IL12RB2: variants seen among roughly 807,000 people sequenced by gnomAD.
IL12RB2 encodes the protein interleukin 12 receptor subunit beta 2, also known as interleukin-12 receptor subunit beta-2.
IL12RB2 carries 82 observed loss-of-function variants against 89.4 expected under a neutral mutation model. That is an observed-to-expected ratio of 0.92 (90% CI 0.77 to 1.10). The LOEUF is 1.10. IL12RB2 is among the 50% of genes least tolerant of loss of function. The probability of loss-of-function intolerance (pLI) is 0.00; values close to 1 mark genes in which losing one functional copy is unlikely to be tolerated. For missense variants in IL12RB2, 963 were observed against 1,031.9 expected, an observed-to-expected ratio of 0.93 and a Z score of 0.92; for synonymous variants, 368 against 370.1, an observed-to-expected ratio of 0.99 and a Z score of 0.07.
At chr1:67,376,669 TAG>T (rs1335113305) in intron 13 of IL12RB2, among the ~76,000 whole-genome samples, 15 of 151,790 alleles carry the variant, frequency 9.9e-5, no homozygotes, top group Admixed American at 5.9e-4. Context: ...CCTCTTCCCA[TAG>T]AGCTTCTATT....
At chr1:67,309,278 A>C (rs1013889500) in intron 1 of IL12RB2, among the ~76,000 whole-genome samples, 4 of 152,166 alleles carry the variant, frequency 2.6e-5, no homozygotes, top group African/African-American at 9.7e-5. Context: ...CCCATTTTAC[A>C]GATGTGGAAA....
In IL12RB2 at chr1:67,396,202, G is replaced by A. The variant is rs113349753; in HGVS notation, c.*113G>A. ...ATCTCTGGGTGCCACCATCGGTCTG[G>A]CTGCAGCTAGAGGACAGGCAAGCCA... On this transcript the variant is annotated 3_prime_UTR_variant, in exon 17 of 17. Coordinates refer to ENST00000674203, the MANE Select transcript of IL12RB2 (RefSeq NM_001374259.2). 1.1e-5 allele frequency: 9 copies of A among 797,106 alleles called. No homozygotes were observed. Among genetic ancestry groups the A allele is most frequent in the African/African-American group, 3.3e-5 (2 of 59,800 alleles). The allele number at this position is 797,106 out of a possible 1,614,324, so 49.4% of individuals were successfully genotyped here.
intron 9 of IL12RB2, among the ~76,000 whole-genome samples, chr1:67,342,813 G>T: frequency 7.4e-6 from 1 of 135,298 alleles, no homozygotes; most frequent in Non-Finnish European, 1.6e-5. Context: ...AGGCTGAAGT[G>T]TGGTGGCACA....
intron 15 of IL12RB2, among the ~76,000 whole-genome samples, chr1:67,389,202 C>G (rs1005574950): frequency 2.0e-5 from 3 of 152,102 alleles, no homozygotes; most frequent in African/African-American, 7.2e-5. Context: ...GGCATACCAT[C>G]CCTTAGGTAT....
At chr1:67,379,615 T>A (rs1403096070) in intron 13 of IL12RB2, among the ~76,000 whole-genome samples, 1 of 151,584 alleles carries the variant, frequency 6.6e-6, no homozygotes, top group Non-Finnish European at 1.5e-5. Context: ...CTAGAAATGT[T>A]ATCATCATTG....
At chr1:67,379,318 TG>T (rs1664316522) in intron 13 of IL12RB2, among the ~76,000 whole-genome samples, 2 of 151,138 alleles carry the variant, frequency 1.3e-5, no homozygotes, top group South Asian at 4.2e-4. Context: ...GAGACCAGCC[TG>T]GCCAACATGG....
chr1:67,346,986 G>A (rs751975126), intron 9 of IL12RB2, among the ~76,000 whole-genome samples: 7 of 152,124 alleles, frequency 4.6e-5, no homozygotes, highest in African/African-American at 1.7e-4. Flanking sequence ...CATGTGCCAA[G>A]CACTCTTTAA....
chr1:67,370,176 A>G (rs1389536157), intron 11 of IL12RB2, among the ~76,000 whole-genome samples: 1 of 152,190 alleles, frequency 6.6e-6, no homozygotes, highest in Non-Finnish European at 1.5e-5. Context: ...GGTTATTATT[A>G]ATTCAAAATG....
rs2100379553 is a variant in IL12RB2, at chr1:67,398,709, C to T, written c.*2620C>T. ...TAGTAGCTACCAATAAAAAAGTAAG[C>T]ATCATGAACCCAAAAGTATCTGAGA... On this transcript the variant is annotated 3_prime_UTR_variant, in exon 17 of 17. Coordinates refer to ENST00000674203, the MANE Select transcript of IL12RB2 (RefSeq NM_001374259.2). 6.6e-6 allele frequency among the ~76,000 whole-genome samples: 1 copy of T among 152,178 alleles called. No individual in the cohort carries two copies. The highest frequency in any genetic ancestry group is 1.9e-4 in the East Asian group (1 of 5,172).
rs866628616 is a variant in IL12RB2 at position 67,348,099 on chromosome 1, G to A, written c.1039-2771G>A. ...CCAGCATACAAATAGGTTGATCTGG[G>A]AAGAGTCGGCGGGCTCCTCCGGTTT... On this transcript the variant is annotated intron_variant, in intron 9 of 16. Transcript: ENST00000674203. Among the ~76,000 whole-genome samples, 4 of 152,142 alleles carry A rather than the reference G, an allele frequency of 2.6e-5. No individual in the cohort carries two copies. The Middle Eastern group carries it at 0.01, about 388-fold the overall frequency.
intron 10 of IL12RB2, among the ~76,000 whole-genome samples, chr1:67,365,084 A>T (rs1045363956): frequency 6.6e-6 from 1 of 152,256 alleles, no homozygotes; most frequent in Non-Finnish European, 1.5e-5. Context: ...GAGAAATTTT[A>T]AAATATTTTG....
chr1:67,326,692 A>G, intron 4 of IL12RB2, 43 bp from the exon 5 acceptor site: 1 of 1,605,318 alleles, frequency 6.2e-7, no homozygotes, highest in African/African-American at 1.3e-5. Context: ...CGGTTGAAAT[A>G]TCACCTGTGT....
At chr1:67,319,930 G>T (rs537026510) in intron 2 of IL12RB2, among the ~76,000 whole-genome samples, 2 of 152,220 alleles carry the variant, frequency 1.3e-5, no homozygotes, top group South Asian at 4.2e-4. Context: ...CAGCAAGAAG[G>T]CCCCATCTAT....
chr1:67,308,119 A>G (rs557791074), intron 1 of IL12RB2, among the ~76,000 whole-genome samples, 152 bp downstream of exon 1: 4 of 151,698 alleles, frequency 2.6e-5, no homozygotes, highest in Admixed American at 2.6e-4. Context: ...GTATATATAT[A>G]TTTTTAAAGT....
intron 14 of IL12RB2, among the ~76,000 whole-genome samples, chr1:67,385,242 T>C (rs949038219): frequency 6.6e-6 from 1 of 152,184 alleles, no homozygotes; most frequent in Non-Finnish European, 1.5e-5. Flanking sequence ...CTTACAATCA[T>C]GGCTGAAGGG....
intron 10 of IL12RB2, among the ~76,000 whole-genome samples, chr1:67,363,811 C>T (rs1046166137): frequency 6.6e-6 from 1 of 152,036 alleles, no homozygotes; most frequent in Non-Finnish European, 1.5e-5. Context: ...CACTAAAAAC[C>T]ATTTTAAAAG....
rs1460368427 is a variant in IL12RB2 at position 67,395,584 on chromosome 1, A to G, written c.2084A>G (p.Asp695Gly). The G allele has an allele frequency of 6.2e-7, 1 of 1,614,082 alleles. No individual in the cohort carries two copies. Among genetic ancestry groups the G allele is most frequent in the African/African-American group, 1.3e-5 (1 of 74,906 alleles). Residue 695 changes from aspartate to glycine, a missense_variant, in exon 17 of 17, where the codon GAC (aspartate) becomes GGC (glycine). By Grantham distance (94) the Asp-to-Gly change is moderately conservative (BLOSUM62 -1). Transcript: ENST00000674203. Reference protein sequence around the residue: ...TQLPLDRLLIDWPTPEDPEPL... With the variant: ...TQLPLDRLLIGWPTPEDPEPL... ...CTGCCCTTGGACAGGCTCCTGATAG[A>G]CTGGCCCACGCCTGAAGATCCTGAA...
chr1:67,313,075 C>T (rs1408269662), intron 1 of IL12RB2, among the ~76,000 whole-genome samples: 1 of 152,234 alleles, frequency 6.6e-6, no homozygotes, highest in African/African-American at 2.4e-5. Context: ...TGGCTTGTTA[C>T]ATTCTTTCAC....
Position 67,372,667 on chromosome 1 carries a change from AG to A in IL12RB2, c.1605del (p.Ser536AlafsTer3). The A allele has an allele frequency of 6.2e-7, 1 of 1,612,810 alleles. No homozygotes were observed. The highest frequency in any genetic ancestry group is 8.5e-7 in the Non-Finnish European group (1 of 1,178,802). ...GPHINAITEE[K>X]GSILISWNSI... ...CACATTAATGCCATCACAGAGGAAA[AG>A]GGGAGCATTTTAATTTCATGGAACA... On this transcript the variant is annotated frameshift_variant, in exon 13 of 17. Coordinates refer to ENST00000674203, the MANE Select transcript of IL12RB2 (RefSeq NM_001374259.2). LOFTEE classifies it high-confidence loss of function.
Sources: allele counts gnomAD v4.1 joint callset (sites outside exome capture counted in the v4.1 genomes callset), GRCh38; gene constraint gnomAD v4.1.1; transcripts MANE v1.5; gene names NCBI Gene and HGNC (gene_info 2026-07-23, HGNC 2026-07-21).